The following HSD17B11 variants were observed in gnomAD, a reference collection of about 807,000 sequenced individuals.
HSD17B11 encodes the protein hydroxysteroid 17-beta dehydrogenase 11.
HSD17B11 carries 22 observed loss-of-function variants against 27.8 expected under a neutral mutation model. The ratio of observed to expected loss-of-function variants is 0.79; its 90% CI spans 0.56 to 1.13. HSD17B11 has a LOEUF of 1.13. HSD17B11 is among the 50% of genes most tolerant of loss of function. HSD17B11 has a pLI of 0.00. For synonymous variants in HSD17B11, 117 were observed against 132.8 expected (o/e 0.88, Z 0.82); for missense variants, 314 against 351.1 (o/e 0.89, Z 0.84).
rs1474300444 is a variant in HSD17B11, at chr4:87,353,075, G to C, written c.695+4204C>G. 4.9e-5 allele frequency among the ~76,000 whole-genome samples: 5 copies of C among 102,514 alleles called. 2 individuals carry two copies. Among genetic ancestry groups the C allele is most frequent in the African/African-American group, 2.7e-4 (5 of 18,576 alleles). The allele number at this position is 102,514 out of a possible 152,430, so 67.3% of individuals were successfully genotyped here. ...CTCAGATGGAAATGCAGAAATCACC[G>C]TCTTCTGCGTCGCTCACGCTGGGAG... On this transcript the variant is annotated intron_variant, in intron 5 of 6. Coordinates refer to ENST00000358290, the MANE Select transcript of HSD17B11 (RefSeq NM_016245.5).
At chr4:87,374,669 G>A in intron 3 of HSD17B11, 30 bp downstream of exon 3, 3 of 1,580,876 alleles carry the variant, frequency 1.9e-6, no homozygotes, top group Non-Finnish European at 2.6e-6. Context: ...TTTTCAAAAG[G>A]AACATTTTTG....
chr4:87,354,265 G>C (rs182029300), intron 5 of HSD17B11, among the ~76,000 whole-genome samples: 2 of 151,794 alleles, frequency 1.3e-5, no homozygotes, highest in African/African-American at 4.8e-5. Context: ...AAGAGTTCGA[G>C]ACCAGCCTGA....
At chr4:87,374,899 A>T (rs1167989483) in intron 2 of HSD17B11, 69 bp from the exon 3 acceptor site, 13 of 952,068 alleles carry the variant, frequency 1.4e-5, no homozygotes, top group Non-Finnish European at 1.9e-5. Context: ...CACAATGGCT[A>T]TTTTTTTTTT....
chr4:87,390,974 A>G lies in HSD17B11; in HGVS notation c.97T>C (p.Ser33Pro). ...ATCAGCACGATTTCGCCGGTGACTGATTTTCTCCTCTTAGGAATAAAAAGC... is the reference window on the plus strand; with the variant it reads ...ATCAGCACGATTTCGCCGGTGACTGGTTTTCTCCTCTTAGGAATAAAAAGC... Reference protein sequence around the residue: ...VKLFIPKRRKSVTGEIVLITG... With the variant: ...VKLFIPKRRKPVTGEIVLITG... Residue 33 changes from serine to proline, a missense_variant, in exon 1 of 7, where the codon TCA becomes CCA. Transcript: ENST00000358290. 6.2e-7 allele frequency: 1 copy of G among 1,614,000 alleles called. No individual in the cohort carries two copies.
intron 5 of HSD17B11, among the ~76,000 whole-genome samples, chr4:87,353,486 C>T (rs1448881370): frequency 6.6e-6 from 1 of 152,194 alleles, no homozygotes; most frequent in African/African-American, 2.4e-5. Flanking sequence ...TTGGGGTCTA[C>T]TTTAGTACCA....
chr4:87,390,987 A>C lies in HSD17B11; in HGVS notation c.84T>G (p.Pro28=), dbSNP rs1720443122. Reference sequence around the variant, plus strand: ...CGCCGGTGACTGATTTTCTCCTCTTAGGAATAAAAAGCTTCACGAAGGACT... The same window carrying C: ...CGCCGGTGACTGATTTTCTCCTCTTCGGAATAAAAAGCTTCACGAAGGACT... The part of the protein sequence containing the change: ...SLESFVKLFI[P]KRRKSVTGEI... The change falls in exon 1 of 7, where the codon CCT becomes CCG. Residue 28 remains proline (P), a synonymous_variant. Transcript: ENST00000358290. 4 of 1,614,098 alleles carry C rather than the reference A, an allele frequency of 2.5e-6. No homozygotes were observed. Among genetic ancestry groups the C allele is most frequent in the Non-Finnish European group, 3.4e-6 (4 of 1,180,018 alleles).
At chr4:87,380,250 G>C (rs970262351) in intron 2 of HSD17B11, among the ~76,000 whole-genome samples, 2 of 151,300 alleles carry the variant, frequency 1.3e-5, no homozygotes, top group Admixed American at 1.3e-4. Flanking sequence ...CAAGGCAGGC[G>C]GATCGCGAGG....
chr4:87,385,833 T>G (rs1462338250), intron 1 of HSD17B11: 1 of 151,176 alleles, frequency 6.6e-6, no homozygotes, highest in Non-Finnish European at 1.5e-5. Context: ...GAGAATCACT[T>G]GAATCCGGGA....
chr4:87,373,934 G>A (rs1735770455), intron 3 of HSD17B11, among the ~76,000 whole-genome samples: 1 of 152,108 alleles, frequency 6.6e-6, no homozygotes, highest in Non-Finnish European at 1.5e-5. Flanking sequence ...AAACACACAC[G>A]GCATATGTAC....
chr4:87,370,518 C>A (rs190069812), intron 4 of HSD17B11, among the ~76,000 whole-genome samples: 1 of 151,730 alleles, frequency 6.6e-6, no homozygotes, highest in South Asian at 2.1e-4. Context: ...CAGGTTCAAG[C>A]GATTCCCCTG....
chr4:87,378,489 A>C (rs1719964734), intron 2 of HSD17B11, among the ~76,000 whole-genome samples: 1 of 152,124 alleles, frequency 6.6e-6, no homozygotes, highest in African/African-American at 2.4e-5. Flanking sequence ...CAAACAATCC[A>C]ATTATACTTT....
intron 2 of HSD17B11, among the ~76,000 whole-genome samples, chr4:87,378,895 A>AATATATATAAATATATATAAATAT (rs1720025236): frequency 1.2e-4 from 1 of 8,422 alleles, no homozygotes; most frequent in Non-Finnish European, 1.8e-4. Flanking sequence ...TATATATATA[A>AATATATATAAATATATATAAATAT]ATATATATAA....
intron 2 of HSD17B11, among the ~76,000 whole-genome samples, chr4:87,380,237 G>T (rs1282478243): frequency 6.6e-6 from 1 of 151,510 alleles, no homozygotes; most frequent in African/African-American, 2.4e-5. Flanking sequence ...CACTTTGGGA[G>T]GCCAAGGCAG....
intron 4 of HSD17B11, among the ~76,000 whole-genome samples, chr4:87,363,077 T>C (rs1386512442): frequency 6.6e-6 from 1 of 152,120 alleles, no homozygotes; most frequent in Admixed American, 6.6e-5. Flanking sequence ...GCAGAGTAGC[T>C]AATGTCTATG....
chr4:87,343,887 C>T (rs550534354), intron 5 of HSD17B11, among the ~76,000 whole-genome samples: 1 of 152,156 alleles, frequency 6.6e-6, no homozygotes, highest in South Asian at 2.1e-4. Flanking sequence ...TTGTTATTTC[C>T]TAATCTGAAA....
At chr4:87,385,331 C>A (rs991432190) in intron 1 of HSD17B11, among the ~76,000 whole-genome samples, 4 of 152,086 alleles carry the variant, frequency 2.6e-5, no homozygotes, top group African/African-American at 9.7e-5. Flanking sequence ...ACACAAAAAA[C>A]AAATACCATA....
intron 1 of HSD17B11, among the ~76,000 whole-genome samples, chr4:87,388,310 A>G (rs76947154): frequency 0.041 from 6,209 of 152,316 alleles, 414 homozygotes; most frequent in African/African-American, 0.14. Context: ...AAAATCCAGC[A>G]TGTATTTCCA....
chr4:87,342,877 A>C (rs1156552756), intron 5 of HSD17B11, among the ~76,000 whole-genome samples: 2 of 152,224 alleles, frequency 1.3e-5, no homozygotes, highest in Non-Finnish European at 2.9e-5. Flanking sequence ...GAAGCAAAAA[A>C]TCAAAGGCAA....
intron 2 of HSD17B11, among the ~76,000 whole-genome samples, chr4:87,381,197 A>C (rs1720157757): frequency 1.3e-5 from 2 of 151,076 alleles, no homozygotes; most frequent in Admixed American, 1.3e-4. Flanking sequence ...AAAAAAAAAA[A>C]AAAAAAAAAA....
Sources: allele counts gnomAD v4.1 joint callset (sites outside exome capture counted in the v4.1 genomes callset), GRCh38; gene constraint gnomAD v4.1.1; transcripts MANE v1.5; gene names NCBI Gene and HGNC (gene_info 2026-07-23, HGNC 2026-07-21).